NELL1: variants seen among roughly 807,000 people sequenced by gnomAD.
The protein encoded by NELL1 is protein kinase C-binding protein NELL1.
NELL1 carries 76 observed loss-of-function variants against 107.4 expected under a neutral mutation model. That is an observed-to-expected ratio of 0.71 (90% CI 0.59 to 0.86). NELL1 has a LOEUF of 0.86. Ranked by LOEUF, NELL1 falls within the 40% of genes least tolerant of loss-of-function variation. The pLI is 0.00. For synonymous variants in NELL1, 353 were observed against 341.2 expected (o/e 1.03, Z -0.38); for missense variants, 1,024 against 1,005.5 (o/e 1.02, Z -0.25).
chr11:21,357,446 T>C (rs964707632), intron 14 of NELL1, among the ~76,000 whole-genome samples: 4 of 152,212 alleles, frequency 2.6e-5, no homozygotes, highest in African/African-American at 9.6e-5. Flanking sequence ...GCCATTTGTA[T>C]ATCTTATTTT....
intron 12 of NELL1, among the ~76,000 whole-genome samples, chr11:21,054,654 AT>A (rs895136096): frequency 2.0e-5 from 3 of 152,010 alleles, no homozygotes; most frequent in Non-Finnish European, 4.4e-5. Flanking sequence ...GCGAGAGCCC[AT>A]TTTTGTTTTA....
At chr11:21,193,028 A>G (rs1857079331) in intron 13 of NELL1, among the ~76,000 whole-genome samples, 1 of 151,898 alleles carries the variant, frequency 6.6e-6, no homozygotes, top group South Asian at 2.1e-4. Flanking sequence ...AGTGGTTAAA[A>G]TGACTGTGAC....
intron 7 of NELL1, among the ~76,000 whole-genome samples, chr11:20,922,018 C>G (rs1050055243): frequency 6.6e-6 from 1 of 151,924 alleles, no homozygotes; most frequent in African/African-American, 2.4e-5. Context: ...TTCCTTCTAG[C>G]TGGTGCCAAG....
At chr11:21,574,834 A>AT (rs1161019873) in intron 19 of NELL1, 138 bp from the exon 20 acceptor site, 7 of 680,260 alleles carry the variant, frequency 1.0e-5, no homozygotes, top group East Asian at 2.7e-5. Flanking sequence ...TTTTCCTAGC[A>AT]TTTTTTTCTA....
chr11:20,790,843 G>C (rs983613945), intron 3 of NELL1, among the ~76,000 whole-genome samples: 1 of 152,210 alleles, frequency 6.6e-6, no homozygotes, highest in Non-Finnish European at 1.5e-5. Flanking sequence ...GCTCCACAAA[G>C]CCTGCAGGCC....
chr11:20,678,636 G>C (rs578216506), intron 2 of NELL1, among the ~76,000 whole-genome samples: 1 of 152,318 alleles, frequency 6.6e-6, no homozygotes, highest in African/African-American at 2.4e-5. Context: ...GGCATCAGCA[G>C]ATTTGGTACT....
chr11:21,086,427 C>T (rs144065526), intron 12 of NELL1, among the ~76,000 whole-genome samples: 4 of 152,086 alleles, frequency 2.6e-5, no homozygotes, highest in South Asian at 2.1e-4. Flanking sequence ...ATTATCTTTA[C>T]GTGTGGGGTA....
chr11:21,100,532 A>G (rs1057264935), intron 12 of NELL1, among the ~76,000 whole-genome samples: 1 of 152,186 alleles, frequency 6.6e-6, no homozygotes, highest in Non-Finnish European at 1.5e-5. Context: ...AATATGGAAA[A>G]CAGCTTAGCG....
At chr11:21,102,942 T>C (rs1177733974) in intron 12 of NELL1, among the ~76,000 whole-genome samples, 1 of 152,178 alleles carries the variant, frequency 6.6e-6, no homozygotes, top group Non-Finnish European at 1.5e-5. Context: ...TAGTCACATA[T>C]ATAAGAATTT....
At chr11:20,704,814 G>T (rs988831787) in intron 2 of NELL1, among the ~76,000 whole-genome samples, 1 of 150,888 alleles carries the variant, frequency 6.6e-6, no homozygotes. Context: ...CTTTAAGAAT[G>T]TCAAGATACA....
At chr11:21,373,690 C>G (rs544311820) in intron 15 of NELL1, among the ~76,000 whole-genome samples, 20 of 152,222 alleles carry the variant, frequency 1.3e-4, no homozygotes, top group African/African-American at 4.8e-4. Flanking sequence ...ATGAACAACT[C>G]TGCATTTACT....
At chr11:21,355,450 T>C (rs150321075) in intron 14 of NELL1, among the ~76,000 whole-genome samples, 134 of 152,288 alleles carry the variant, frequency 8.8e-4, no homozygotes, top group African/African-American at 3.1e-3. Flanking sequence ...TGATACAGGT[T>C]CCCTTATTGA....
intron 17 of NELL1, among the ~76,000 whole-genome samples, chr11:21,569,332 C>T (rs1857045670): frequency 6.6e-6 from 1 of 151,912 alleles, no homozygotes; most frequent in Admixed American, 6.6e-5. Context: ...CTCTCAGCTA[C>T]CTCATTTGAG....
At chr11:20,827,843 G>A (rs1003752414) in intron 3 of NELL1, among the ~76,000 whole-genome samples, 2 of 151,204 alleles carry the variant, frequency 1.3e-5, no homozygotes, top group Non-Finnish European at 3.0e-5. Context: ...CTCTGTGGGG[G>A]AGTGATGAGG....
At chr11:20,940,738 C>A (rs982038349) in intron 10 of NELL1, among the ~76,000 whole-genome samples, 4 of 152,188 alleles carry the variant, frequency 2.6e-5, no homozygotes, top group Admixed American at 2.6e-4. Context: ...TAGAGGCAGA[C>A]AATACAAGGG....
chr11:21,390,383 AT>A, intron 15 of NELL1, among the ~76,000 whole-genome samples: 1 of 149,736 alleles, frequency 6.7e-6, no homozygotes, highest in East Asian at 2.0e-4. Context: ...AATAATAATA[AT>A]AATAAATAAT....
In NELL1 at chr11:21,222,365, AT is replaced by A. The variant is rs1320853607; in HGVS notation, c.1427-6955del. Among the ~76,000 whole-genome samples the A allele has an allele frequency of 2.3e-3, 315 of 135,918 alleles. 1 individual carries two copies. The highest frequency in any genetic ancestry group is 3.3e-3 in the Admixed American group (45 of 13,558). The allele number at this position is 135,918 out of a possible 152,430, so 89.2% of individuals were successfully genotyped here. A position where few individuals can be genotyped will look rare whatever the true frequency, so the allele number is the denominator to read the frequency against. On this transcript the variant is annotated intron_variant, in intron 13 of 19. Coordinates refer to ENST00000357134, the MANE Select transcript of NELL1 (RefSeq NM_006157.5). The stretch of plus-strand genomic sequence containing the variant: ...TGGCTAATTTTTTGTATTTTTTTGT[AT>A]TTTTTTTTTTTAGTAGAGACGGGGT...
intron 2 of NELL1, among the ~76,000 whole-genome samples, chr11:20,742,523 G>C (rs1450328270): frequency 6.6e-6 from 1 of 152,152 alleles, no homozygotes; most frequent in Non-Finnish European, 1.5e-5. Flanking sequence ...AAGAAAAGAT[G>C]TTTAATAGAC....
At chr11:21,386,680 G>C (rs1340820674) in intron 15 of NELL1, among the ~76,000 whole-genome samples, 1 of 151,890 alleles carries the variant, frequency 6.6e-6, no homozygotes, top group Non-Finnish European at 1.5e-5. Flanking sequence ...TAACACTGAA[G>C]GGCAAGGCTG....
Sources: allele counts gnomAD v4.1 joint callset (sites outside exome capture counted in the v4.1 genomes callset), GRCh38; gene constraint gnomAD v4.1.1; transcripts MANE v1.5; gene names NCBI Gene and HGNC (gene_info 2026-07-23, HGNC 2026-07-21).